DCLK1: variants seen among roughly 807,000 people sequenced by gnomAD.
The protein encoded by DCLK1 is doublecortin like kinase 1.
DCLK1 carries 16 observed loss-of-function variants against 86.2 expected under a neutral mutation model. The observed-to-expected ratio is 0.19, with a 90% CI of 0.13 to 0.28. The LOEUF is 0.28. DCLK1 is among the 10% of genes least tolerant of loss of function. The pLI is 1.00. For synonymous variants in DCLK1, 369 were observed against 370.5 expected (o/e 1.00, Z 0.05); for missense variants, 590 against 940.2 (o/e 0.63, Z 4.87).
chr13:36,035,480 A>C (rs1329196696), intron 3 of DCLK1, among the ~76,000 whole-genome samples: 1 of 152,184 alleles, frequency 6.6e-6, no homozygotes, highest in Non-Finnish European at 1.5e-5. Context: ...ATTGGGGGGA[A>C]AGGGTCCAAA....
chr13:35,826,564 A>AAGGAAGGAAGGAAGGAAGGAAGGG lies in DCLK1; in HGVS notation c.1407+1070_1407+1071insCCCTTCCTTCCTTCCTTCCTTCCT, dbSNP rs1555342400. 1.4e-3 allele frequency among the ~76,000 whole-genome samples: 65 copies of AAGGAAGGAAGGAAGGAAGGAAGGG among 46,062 alleles called. 8 individuals are homozygous for AAGGAAGGAAGGAAGGAAGGAAGGG. The highest frequency in any genetic ancestry group is 2.2e-3 in the African/African-American group (43 of 19,210). The allele number at this position is 46,062 out of a possible 152,430, so 30.2% of individuals were successfully genotyped here. On this transcript the variant is annotated intron_variant, in intron 10 of 16. Coordinates refer to ENST00000360631, the MANE Select transcript of DCLK1 (RefSeq NM_001330071.2). Reference sequence around the variant, plus strand: ...AAAAGAAAGAAAGAAAGAAAGAAACAAGTCCTAATTTGAAGTAGACTAAAA... The same window carrying AAGGAAGGAAGGAAGGAAGGAAGGG: ...AAAAGAAAGAAAGAAAGAAAGAAACAAGGAAGGAAGGAAGGAAGGAAGGGAGTCCTAATTTGAAGTAGACTAAAA...
intron 3 of DCLK1, among the ~76,000 whole-genome samples, chr13:36,045,328 G>GTATATATATATA (rs1257247083): frequency 4.4e-5 from 2 of 45,236 alleles, no homozygotes; most frequent in African/African-American, 1.0e-4. Flanking sequence ...ATGTGTGTGT[G>GTATATATATATA]TGTGTATATA....
chr13:35,884,051 G>A (rs1307326705), intron 4 of DCLK1, among the ~76,000 whole-genome samples: 6 of 152,006 alleles, frequency 3.9e-5, no homozygotes, highest in Admixed American at 3.3e-4. Context: ...TAGAACCTGG[G>A]GCACTTAAAA....
intron 6 of DCLK1, chr13:35,848,833 A>G: frequency 1.0e-6 from 1 of 985,378 alleles, no homozygotes; most frequent in Non-Finnish European, 1.2e-6. Flanking sequence ...ACCCAACTGT[A>G]TTAAGTAATG....
chr13:35,811,380 T>G (rs978579155), intron 11 of DCLK1, among the ~76,000 whole-genome samples: 1 of 152,078 alleles, frequency 6.6e-6, no homozygotes, highest in African/African-American at 2.4e-5. Context: ...TGCCGATGTA[T>G]CTGTCTCTTG....
chr13:36,050,735 AC>A (rs1883093693), intron 3 of DCLK1, among the ~76,000 whole-genome samples: 1 of 152,152 alleles, frequency 6.6e-6, no homozygotes. Context: ...ACTAGTGCAC[AC>A]CATCTCCACC....
chr13:36,119,545 C>G (rs1445343462), intron 2 of DCLK1, among the ~76,000 whole-genome samples: 1 of 152,190 alleles, frequency 6.6e-6, no homozygotes, highest in Non-Finnish European at 1.5e-5. Flanking sequence ...ACACTGCCTT[C>G]ACCAAATGAT....
chr13:35,779,549 A>G (rs1236080029), intron 16 of DCLK1, among the ~76,000 whole-genome samples: 1 of 152,168 alleles, frequency 6.6e-6, no homozygotes, highest in Non-Finnish European at 1.5e-5. Context: ...GCATTATTTT[A>G]GGGGACTATA....
At chr13:35,885,806 TA>T (rs1873193318) in intron 4 of DCLK1, among the ~76,000 whole-genome samples, 1 of 152,188 alleles carries the variant, frequency 6.6e-6, no homozygotes, top group Admixed American at 6.5e-5. Flanking sequence ...AAAGTAATGA[TA>T]AAATAATGAT....
chr13:35,958,534 A>G (rs943247920), intron 3 of DCLK1, among the ~76,000 whole-genome samples: 2 of 151,776 alleles, frequency 1.3e-5, no homozygotes, highest in African/African-American at 4.9e-5. Context: ...CAGTATAACT[A>G]CCAATACCAC....
intron 8 of DCLK1, among the ~76,000 whole-genome samples, chr13:35,835,634 T>C (rs930518332): frequency 6.6e-6 from 1 of 152,220 alleles, no homozygotes. Flanking sequence ...TTCAAGATGA[T>C]CGTGTATGTA....
intron 3 of DCLK1, among the ~76,000 whole-genome samples, chr13:36,099,542 A>G (rs1885124442): frequency 6.6e-6 from 1 of 152,160 alleles, no homozygotes; most frequent in Non-Finnish European, 1.5e-5. Context: ...GAGTTCTCCC[A>G]AGTCTTCCAC....
chr13:35,828,121 A>G, intron 9 of DCLK1, 129 bp downstream of exon 9: 1 of 707,788 alleles, frequency 1.4e-6, no homozygotes, highest in Non-Finnish European at 2.4e-6. Flanking sequence ...ATATTCTAGT[A>G]AGTGTATAAC....
intron 4 of DCLK1, among the ~76,000 whole-genome samples, chr13:35,913,815 G>C (rs1875192683): frequency 6.6e-6 from 1 of 152,088 alleles, no homozygotes; most frequent in African/African-American, 2.4e-5. Context: ...AGTTACGGAA[G>C]CATAATATAT....
At chr13:35,912,292 A>G (rs1224372716) in intron 4 of DCLK1, among the ~76,000 whole-genome samples, 1 of 152,154 alleles carries the variant, frequency 6.6e-6, no homozygotes. Context: ...CCAAAAAGCC[A>G]CAGCACAAAA....
chr13:35,962,071 C>T (rs892474483), intron 3 of DCLK1, among the ~76,000 whole-genome samples: 6 of 152,166 alleles, frequency 3.9e-5, no homozygotes, highest in African/African-American at 1.4e-4. Flanking sequence ...TTTTTCAGCT[C>T]AAGAAGTGTC....
chr13:35,877,499 C>G (rs989404190), intron 4 of DCLK1, among the ~76,000 whole-genome samples: 1 of 152,216 alleles, frequency 6.6e-6, no homozygotes, highest in Non-Finnish European at 1.5e-5. Context: ...TAGGTGAAGT[C>G]CCTTGAGTGT....
chr13:35,895,740 A>G (rs1348158315), intron 4 of DCLK1, among the ~76,000 whole-genome samples: 1 of 73,512 alleles, frequency 1.4e-5, no homozygotes, highest in Non-Finnish European at 4.0e-5. Flanking sequence ...TTCATATACT[A>G]TAGCAAAAAA....
At chr13:35,841,458 A>G (rs1247630282) in intron 6 of DCLK1, among the ~76,000 whole-genome samples, 1 of 152,112 alleles carries the variant, frequency 6.6e-6, no homozygotes, top group Non-Finnish European at 1.5e-5. Context: ...GCTTGTCACA[A>G]TGCCAGCTGG....
Sources: allele counts gnomAD v4.1 joint callset (sites outside exome capture counted in the v4.1 genomes callset), GRCh38; gene constraint gnomAD v4.1.1; transcripts MANE v1.5; gene names NCBI Gene and HGNC (gene_info 2026-07-23, HGNC 2026-07-21).